RTTN: variants seen among roughly 807,000 people sequenced by gnomAD.
RTTN encodes the protein rotatin.
A neutral mutation model predicts 269.2 loss-of-function variants in RTTN; 182 were observed. The observed-to-expected ratio is 0.68, with a 90% CI of 0.60 to 0.76. The LOEUF is 0.76. RTTN is among the 30% of genes least tolerant of loss of function. The pLI is 0.00. For synonymous variants in RTTN, 1,006 were observed against 963.5 expected (o/e 1.04, Z -0.82); for missense variants, 2,545 against 2,608.6 (o/e 0.98, Z 0.53).
intron 17 of RTTN, among the ~76,000 whole-genome samples, chr18:70,147,070 T>C (rs1224542489): frequency 1.3e-5 from 2 of 152,234 alleles, no homozygotes; most frequent in African/African-American, 4.8e-5. Flanking sequence ...AGAGATGAGA[T>C]ATGTAAAGCA....
At chr18:70,139,275 A>G (rs1461851788) in intron 21 of RTTN, among the ~76,000 whole-genome samples, 1 of 152,182 alleles carries the variant, frequency 6.6e-6, no homozygotes, top group Non-Finnish European at 1.5e-5. Flanking sequence ...AGATATTGGA[A>G]AGAAGATAGT....
chr18:70,120,800 C>G (rs2059715785), intron 26 of RTTN, among the ~76,000 whole-genome samples: 1 of 152,078 alleles, frequency 6.6e-6, no homozygotes, highest in Admixed American at 6.6e-5. Flanking sequence ...CCTGTAATCC[C>G]AGCACTTTGA....
rs2059553448 is a variant in RTTN at position 70,114,484 on chromosome 18, A to G, written c.3644T>C (p.Phe1215Ser). 1 of 1,613,316 alleles carries G rather than the reference A, an allele frequency of 6.2e-7. No individual in the cohort carries two copies. Among genetic ancestry groups the G allele is most frequent in the African/African-American group, 1.3e-5 (1 of 74,908 alleles). The change falls in exon 27 of 49, where the codon TTT (phenylalanine) becomes TCT (serine). Residue 1215 changes from phenylalanine to serine, a missense_variant. Phe to Ser is a radical substitution (Grantham distance 155). Coordinates refer to ENST00000640769, the MANE Select transcript of RTTN (RefSeq NM_173630.4). ...QQLQKELIAL[F>S]DTLLLNFMEV... ...CATGAAATTGAGCAGCAAGGTATCA[A>G]AAAGAGCAATCAGTTCTTTCTGAAG...
At chr18:70,153,328 A>C (rs2060589579) in intron 14 of RTTN, among the ~76,000 whole-genome samples, 1 of 151,994 alleles carries the variant, frequency 6.6e-6, no homozygotes, top group African/African-American at 2.4e-5. Context: ...CATACTTTTT[A>C]TGTATTTAAG....
At chr18:70,041,499 C>A (rs1428666640) in intron 40 of RTTN, among the ~76,000 whole-genome samples, 1 of 151,962 alleles carries the variant, frequency 6.6e-6, no homozygotes, top group African/African-American at 2.4e-5. Context: ...GAAAACTACC[C>A]CAATCTATCC....
At chr18:70,175,045 C>CAAAAAAAAAAAAAAAAAAAAAAAACAA (rs5825998) in intron 11 of RTTN, among the ~76,000 whole-genome samples, 1 of 86,858 alleles carries the variant, frequency 1.2e-5, no homozygotes, top group African/African-American at 4.6e-5. Context: ...AAACCAAAAC[C>CAAAAAAAAAAAAAAAAAAAAAAAACAA]AAAAAAAAAA....
chr18:70,186,078 C>CA (rs1280914871), intron 10 of RTTN, among the ~76,000 whole-genome samples: 2 of 146,280 alleles, frequency 1.4e-5, no homozygotes, highest in African/African-American at 5.2e-5. Context: ...CCCTCTCCCC[C>CA]CCAAAAAAAA....
At chr18:70,109,072 C>A (rs1291347949) in intron 28 of RTTN, among the ~76,000 whole-genome samples, 1 of 152,092 alleles carries the variant, frequency 6.6e-6, no homozygotes, top group Non-Finnish European at 1.5e-5. Context: ...TAGAACTGCA[C>A]AAACTGGAAG....
At chr18:70,052,666 T>G (rs1181971041) in intron 38 of RTTN, among the ~76,000 whole-genome samples, 1 of 92,896 alleles carries the variant, frequency 1.1e-5, no homozygotes, top group Non-Finnish European at 2.8e-5. Context: ...CATCACAATG[T>G]GTCAATTTAC....
chr18:70,061,950 A>C (rs1379370247), intron 35 of RTTN, among the ~76,000 whole-genome samples: 5 of 152,248 alleles, frequency 3.3e-5, no homozygotes, highest in Admixed American at 3.3e-4. Flanking sequence ...CCGTTATGTG[A>C]AAGTAAAAAT....
intron 14 of RTTN, among the ~76,000 whole-genome samples, chr18:70,160,917 CT>C (rs1228925401): frequency 6.6e-6 from 1 of 152,154 alleles, no homozygotes; most frequent in African/African-American, 2.4e-5. Flanking sequence ...AATGGCCATA[CT>C]TCCCAAAGCA....
chr18:70,201,584 G>A (rs1207057979), intron 4 of RTTN, among the ~76,000 whole-genome samples: 1 of 124,618 alleles, frequency 8.0e-6, no homozygotes, highest in Non-Finnish European at 1.6e-5. Flanking sequence ...CTCCAGCCTG[G>A]GCGACAGAGC....
intron 32 of RTTN, 39 bp downstream of exon 32, chr18:70,086,574 A>G (rs1283390160): frequency 1.4e-6 from 2 of 1,415,448 alleles, no homozygotes; most frequent in Admixed American, 2.0e-5. Context: ...AATTAATTTG[A>G]AACATCTACT....
chr18:70,063,938 T>TTCTGTGGG (rs1257027453), intron 35 of RTTN, among the ~76,000 whole-genome samples: 2 of 150,712 alleles, frequency 1.3e-5, no homozygotes, highest in African/African-American at 4.9e-5. Flanking sequence ...TGCCTCCCCT[T>TTCTGTGGG]TCTGTGGGTA....
Position 70,121,703 on chromosome 18 carries a change from A to G in RTTN, c.3384-3T>C. The stretch of plus-strand genomic sequence containing the variant: ...AAGCAGGAAGCACCTGTAAAAACCT[A>G]TAATGAAAAGACAATAATCATGGTT... On this transcript the variant is annotated splice_region_variant and splice_polypyrimidine_tract_variant and intron_variant, in intron 25 of 48. Coordinates refer to ENST00000640769, the MANE Select transcript of RTTN (RefSeq NM_173630.4). 6.5e-7 allele frequency: 1 copy of G among 1,537,252 alleles called. No individual in the cohort carries two copies. The highest frequency in any genetic ancestry group is 1.4e-5 in the African/African-American group (1 of 70,946).
chr18:70,140,785 C>T (rs1421865021), intron 19 of RTTN, among the ~76,000 whole-genome samples: 1 of 152,054 alleles, frequency 6.6e-6, no homozygotes, highest in Non-Finnish European at 1.5e-5. Context: ...ATAAAAAAAT[C>T]TTATATGTAT....
intron 27 of RTTN, among the ~76,000 whole-genome samples, chr18:70,112,483 C>CAAAAAAAAAAAA (rs36147576): frequency 4.4e-5 from 3 of 68,044 alleles, no homozygotes; most frequent in African/African-American, 5.6e-5. Context: ...AAATGGAAAG[C>CAAAAAAAAAAAA]AAAAAAAAAA....
At chr18:70,033,069 T>G (rs1290921543) in intron 40 of RTTN, among the ~76,000 whole-genome samples, 2 of 152,220 alleles carry the variant, frequency 1.3e-5, no homozygotes, top group South Asian at 4.1e-4. Context: ...TCATGAATGG[T>G]TTAGCACCGT....
At chr18:70,104,154 T>C (rs1455124922) in intron 28 of RTTN, among the ~76,000 whole-genome samples, 1 of 152,254 alleles carries the variant, frequency 6.6e-6, no homozygotes, top group Non-Finnish European at 1.5e-5. Flanking sequence ...TCTTTTCACA[T>C]AGTCCCGTAT....
Sources: allele counts gnomAD v4.1 joint callset (sites outside exome capture counted in the v4.1 genomes callset), GRCh38; gene constraint gnomAD v4.1.1; transcripts MANE v1.5; gene names NCBI Gene and HGNC (gene_info 2026-07-23, HGNC 2026-07-21).